The following GAPT variants were observed in gnomAD, a reference collection of about 807,000 sequenced individuals.
GAPT encodes the protein GRB2 binding adaptor protein, transmembrane, also known as protein GAPT.
For missense variants in GAPT, 206 were observed against 189.2 expected, an observed-to-expected ratio of 1.09 and a Z score of -0.52; for synonymous variants, 82 against 69.7, an observed-to-expected ratio of 1.18 and a Z score of -0.88.
In GAPT at chr5:58,494,700, A is replaced by C. The variant is rs1364545059; in HGVS notation, c.164A>C (p.Lys55Thr). Residue 55 changes from lysine (K) to threonine (T), a missense_variant, in exon 3 of 3, where the codon AAA becomes ACA. By Grantham distance (78) the Lys-to-Thr change is moderately conservative. Coordinates refer to ENST00000502276, the MANE Select transcript of GAPT (RefSeq NM_001304431.2). ...TTACAAAGGAGAAGCAGCAGGAGAA[A>C]AGTCTGTACTAAAACATTCTTGGGC... ...RFLQRRSSRR[K>T]VCTKTFLGPR... The C allele has an allele frequency of 1.2e-6, 2 of 1,613,898 alleles. No individual in the cohort carries two copies. The highest frequency in any genetic ancestry group is 2.7e-5 in the African/African-American group (2 of 74,920).
rs370381756 is a variant in GAPT, at chr5:58,494,863, G to A, written c.327G>A (p.Lys109=). ...GPPKAKGKTD[K]ELYENTGQSN... is the part of the protein sequence containing the mutation. ...CCAAAGCTAAAGGAAAAACCGATAA[G>A]GAACTATATGAAAACACAGGGCAGT... Residue 109 remains lysine, a synonymous_variant, in exon 3 of 3, where the codon AAG becomes AAA. Transcript: ENST00000502276. The A allele has an allele frequency of 6.2e-7, 1 of 1,613,928 alleles. No homozygotes were observed. Among genetic ancestry groups the A allele is most frequent in the Non-Finnish European group, 8.5e-7 (1 of 1,179,928 alleles).
At position 58,492,811 on chromosome 5, in the gene GAPT, A is replaced by G. The variant is rs138751111; in HGVS notation, c.-418-900A>G. On this transcript the variant is annotated intron_variant, in intron 1 of 2. Transcript: ENST00000502276. ...TTCTCATTGTTACTATTATTATCCC[A>G]TAAGGAGATTACTTCATTCATTAAC... is the stretch of plus-strand genomic sequence containing the variant. Among the ~76,000 whole-genome samples the G allele has an allele frequency of 1.1e-3, 163 of 152,236 alleles. 1 individual carries two copies. Among genetic ancestry groups the G allele is most frequent in the Middle Eastern group, 6.8e-3 (2 of 294 alleles).
intron 1 of GAPT, among the ~76,000 whole-genome samples, chr5:58,493,204 T>C (rs1286513232): frequency 6.6e-6 from 1 of 152,182 alleles, no homozygotes; most frequent in Non-Finnish European, 1.5e-5. Context: ...TTATTGATGA[T>C]AATAACATTC....
chr5:58,494,600 T>G lies in GAPT; in HGVS notation c.64T>G (p.Leu22Val). Residue 22 changes from leucine to valine, a missense_variant, in exon 3 of 3, where the codon TTA (leucine) becomes GTA (valine). Transcript: ENST00000502276. ...TGTAGGAATTTCGCTTCTTTTACTC[T>G]TAGTGGTTTGTGGAATTGGGTGTGT... is the stretch of plus-strand genomic sequence containing the variant. ...ISVGISLLLL[L>V]VVCGIGCVWH... 1 of 1,613,994 alleles carries G rather than the reference T, an allele frequency of 6.2e-7. No individual in the cohort carries two copies. Among genetic ancestry groups the G allele is most frequent in the Non-Finnish European group, 8.5e-7 (1 of 1,179,944 alleles).
At position 58,491,558 on chromosome 5, in the gene GAPT, T is replaced by C. The variant is rs1246137631; in HGVS notation, c.-419+17T>C. 1 of 152,150 alleles carries C rather than the reference T, an allele frequency of 6.6e-6. No homozygotes were observed. Among genetic ancestry groups the C allele is most frequent in the East Asian group, 1.9e-4 (1 of 5,196 alleles). 9.4% of individuals were successfully genotyped at this position (152,150 alleles called of 1,614,324 possible). On this transcript the variant is annotated intron_variant, in intron 1 of 2. Coordinates refer to ENST00000502276, the MANE Select transcript of GAPT (RefSeq NM_001304431.2). ...AATCTTGAGGTAAGTAAGAACCTGA[T>C]TTAAGGTATTTGGATGATTAAACAC...
rs762849623 is a variant in GAPT at position 58,494,827 on chromosome 5, A to G, written c.291A>G (p.Glu97=). The G allele has an allele frequency of 1.9e-6, 3 of 1,613,946 alleles. No homozygotes were observed. The South Asian group carries it at 3.3e-5, about 18-fold the overall frequency. The change falls in exon 3 of 3, where the codon GAA becomes GAG. Residue 97 remains glutamate (E), a synonymous_variant. Coordinates refer to ENST00000502276, the MANE Select transcript of GAPT (RefSeq NM_001304431.2). ...CACACGACAACTATGAAAATGTGGA[A>G]GCAGGTCCTCCCAAAGCTAAAGGAA... ...NNTHDNYENV[E]AGPPKAKGKT...
Position 58,494,406 on chromosome 5 carries a change from C to A in GAPT, c.-131C>A. 2 of 693,632 alleles carry A rather than the reference C, an allele frequency of 2.9e-6. No homozygotes were observed. The allele number at this position is 693,632 out of a possible 1,614,324, so 43.0% of individuals were successfully genotyped here. On this transcript the variant is annotated 5_prime_UTR_variant, in exon 3 of 3. Coordinates refer to ENST00000502276, the MANE Select transcript of GAPT (RefSeq NM_001304431.2). The stretch of plus-strand genomic sequence containing the variant: ...CAGGACTTTACCAGATAATGTTCTT[C>A]CAGATCTGAAAAGGAAAATGCCTAA...
chr5:58,496,754 C>T lies in GAPT; in HGVS notation c.*1744C>T, dbSNP rs1334444632. ...ATTGCCATGTGGTTTACTCCAGCAT[C>T]ACTGGTTGTTTGCAGCTTTCTAGTT... On this transcript the variant is annotated 3_prime_UTR_variant, in exon 3 of 3. Transcript: ENST00000502276. 6.0e-6 allele frequency: 1 copy of T among 167,230 alleles called. No homozygotes were observed. The highest frequency in any genetic ancestry group is 1.5e-5 in the Non-Finnish European group (1 of 68,204). 10.4% of individuals were successfully genotyped at this position (167,230 alleles called of 1,614,324 possible).
At chr5:58,494,077 T>C (rs919982870) in intron 2 of GAPT, 170 bp from the exon 3 acceptor site, 2 of 153,528 alleles carry the variant, frequency 1.3e-5, no homozygotes, top group African/African-American at 4.8e-5. Context: ...GTTTAATGCA[T>C]TGGTGAAAAT....
chr5:58,494,653 A>T lies in GAPT; in HGVS notation c.117A>T (p.Thr39=). ...CVWHWKHRVA[T]RFTLPRFLQR... ...GGCACTGGAAACACCGTGTTGCCACACGATTTACCTTACCGAGGTTTTTAC... is the reference window on the plus strand; with the variant it reads ...GGCACTGGAAACACCGTGTTGCCACTCGATTTACCTTACCGAGGTTTTTAC... The change falls in exon 3 of 3, where the codon ACA becomes ACT. Residue 39 remains threonine, a synonymous_variant. Coordinates refer to ENST00000502276, the MANE Select transcript of GAPT (RefSeq NM_001304431.2). 1.2e-6 allele frequency: 2 copies of T among 1,614,040 alleles called. No homozygotes were observed. The highest frequency in any genetic ancestry group is 1.7e-6 in the Non-Finnish European group (2 of 1,179,962).
At chr5:58,493,650 G>T (rs1319608319) in intron 1 of GAPT, 61 bp from the exon 2 acceptor site, 1 of 152,146 alleles carries the variant, frequency 6.6e-6, no homozygotes, top group Non-Finnish European at 1.5e-5. Context: ...ACATACAGAT[G>T]AAATGACCTG....
At position 58,494,590 on chromosome 5, in the gene GAPT, T is replaced by C. The variant is rs779316187; in HGVS notation, c.54T>C (p.Leu18=). Residue 18 remains leucine, a synonymous_variant, in exon 3 of 3, where the codon CTT becomes CTC. Coordinates refer to ENST00000502276, the MANE Select transcript of GAPT (RefSeq NM_001304431.2). ...CGGCCATTTCTGTAGGAATTTCGCT[T>C]CTTTTACTCTTAGTGGTTTGTGGAA... is the stretch of plus-strand genomic sequence containing the variant. ...NLAAISVGIS[L]LLLLVVCGIG... 2 of 1,612,320 alleles carry C rather than the reference T, an allele frequency of 1.2e-6. No individual in the cohort carries two copies. Among genetic ancestry groups the C allele is most frequent in the African/African-American group, 2.7e-5 (2 of 74,800 alleles).
At chr5:58,491,797 A>G (rs909106719) in intron 1 of GAPT, among the ~76,000 whole-genome samples, 1 of 152,206 alleles carries the variant, frequency 6.6e-6, no homozygotes, top group African/African-American at 2.4e-5. Flanking sequence ...TTTCTCAACA[A>G]TTTGCGATTT....
At chr5:58,492,921 G>A (rs904538744) in intron 1 of GAPT, among the ~76,000 whole-genome samples, 13 of 152,178 alleles carry the variant, frequency 8.5e-5, no homozygotes, top group African/African-American at 3.1e-4. Context: ...CAACCTTCGA[G>A]AACCTCAGAG....
intron 1 of GAPT, among the ~76,000 whole-genome samples, chr5:58,492,662 C>T (rs1744289969): frequency 6.6e-6 from 1 of 152,052 alleles, no homozygotes. Context: ...TATGAAATGT[C>T]AAATTAAATA....
In GAPT at chr5:58,494,921, A is replaced by G; in HGVS notation, c.385A>G (p.Thr129Ala). Residue 129 changes from threonine to alanine, a missense_variant, in exon 3 of 3, where the codon ACA becomes GCA. Physicochemically the swap from Thr to Ala is moderately conservative, Grantham distance 58 (BLOSUM62 0). Coordinates refer to ENST00000502276, the MANE Select transcript of GAPT (RefSeq NM_001304431.2). ...NFEEHIYGNETSSDYYNFQKP... is the reference protein window; with the variant it reads ...NFEEHIYGNEASSDYYNFQKP... ...CGAGGAGCATATCTATGGAAATGAG[A>G]CATCTTCTGACTATTATAACTTCCA... The G allele has an allele frequency of 6.2e-7, 1 of 1,613,992 alleles. No individual in the cohort carries two copies. Among genetic ancestry groups the G allele is most frequent in the East Asian group, 2.2e-5 (1 of 44,882 alleles).
chr5:58,494,440 C>T lies in GAPT; in HGVS notation c.-97C>T, dbSNP rs1438152360. On this transcript the variant is annotated 5_prime_UTR_variant, in exon 3 of 3. Coordinates refer to ENST00000502276, the MANE Select transcript of GAPT (RefSeq NM_001304431.2). ...AAAAGGAAAATGCCTAAAAGAGCTT[C>T]CAAACTCATTTTTGAATAATACTAG... The T allele has an allele frequency of 9.5e-7, 1 of 1,049,388 alleles. No homozygotes were observed. 65.0% of individuals were successfully genotyped at this position (1,049,388 alleles called of 1,614,324 possible).
intron 2 of GAPT, 182 bp downstream of exon 2, chr5:58,494,020 CG>C (rs1309678869): frequency 6.6e-6 from 1 of 152,156 alleles, no homozygotes; most frequent in Non-Finnish European, 1.5e-5. Flanking sequence ...TTCATCACAA[CG>C]GGTAGTATAT....
intron 1 of GAPT, among the ~76,000 whole-genome samples, chr5:58,493,425 G>A (rs570928146): frequency 6.6e-6 from 1 of 152,268 alleles, no homozygotes; most frequent in South Asian, 2.1e-4. Flanking sequence ...TGAAAGCTAT[G>A]AGAAAACCTG....
Sources: allele counts gnomAD v4.1 joint callset (sites outside exome capture counted in the v4.1 genomes callset), GRCh38; gene constraint gnomAD v4.1.1; transcripts MANE v1.5; gene names NCBI Gene and HGNC (gene_info 2026-07-23, HGNC 2026-07-21).